IFT172: variants seen among roughly 807,000 people sequenced by gnomAD.
IFT172 encodes intraflagellar transport protein 172 homolog.
A neutral mutation model predicts 248.9 loss-of-function variants in IFT172; 164 were observed. The observed-to-expected ratio is 0.66, with a 90% CI of 0.58 to 0.75. The LOEUF (loss-of-function observed/expected upper bound fraction) is 0.75, where lower values mean the gene tolerates loss of function less well. IFT172 is among the 30% of genes least tolerant of loss of function. IFT172 has a pLI of 0.00. For synonymous variants in IFT172, 729 were observed against 791.6 expected (o/e 0.92, Z 1.33); for missense variants, 1,950 against 2,192.4 (o/e 0.89, Z 2.21).
At chr2:27,466,856 A>G (rs939300442) in intron 16 of IFT172, among the ~76,000 whole-genome samples, 6 of 149,718 alleles carry the variant, frequency 4.0e-5, no homozygotes, top group Admixed American at 3.3e-4. Flanking sequence ...TACTGAAAGA[A>G]AAAAAAAAAA....
rs1438908460 is a variant in IFT172, at chr2:27,454,785, T to C, written c.3372-125A>G. 6 of 797,486 alleles carry C rather than the reference T, an allele frequency of 7.5e-6. No homozygotes were observed. The highest frequency in any genetic ancestry group is 5.2e-5 in the African/African-American group (3 of 57,592). The allele number at this position is 797,486 out of a possible 1,614,324, so 49.4% of individuals were successfully genotyped here. The stretch of plus-strand genomic sequence containing the variant: ...GTGACAGATTTAAGGATAACAAATA[T>C]GAAGTGACAGAAAAGCGTGGAGAGA... On this transcript the variant is annotated intron_variant, in intron 30 of 47. Coordinates refer to ENST00000260570, the MANE Select transcript of IFT172 (RefSeq NM_015662.3). The surrounding 1 kb of genome is among the most constrained non-coding windows in gnomAD (Gnocchi z 4.2).
chr2:27,485,079 T>G lies in IFT172; in HGVS notation c.235A>C (p.Thr79Pro). ...TCAGTCTGTCCTATGGCAATTTTAG[T>G]GGAATCAGGAGAAAAAGCCATGCCC... ...VKGMAFSPDS[T>P]KIAIGQTDNI... The change falls in exon 3 of 48, where the codon ACT becomes CCT. Residue 79 changes from threonine to proline, a missense_variant. This residue lies in a region of IFT172 where 1,166 missense variants were observed against 1,254.1 expected (regional missense o/e 0.93). Transcript: ENST00000260570. 1.2e-6 allele frequency: 2 copies of G among 1,610,452 alleles called. No individual in the cohort carries two copies. Among genetic ancestry groups the G allele is most frequent in the Non-Finnish European group, 1.7e-6 (2 of 1,177,796 alleles).
chr2:27,476,937 C>T, intron 13 of IFT172: 2 of 588,766 alleles, frequency 3.4e-6, no homozygotes, highest in Admixed American at 6.4e-5. Flanking sequence ...GATTCTCCTA[C>T]CTCACCTTCC....
chr2:27,476,348 G>A (rs1172661850), intron 14 of IFT172, among the ~76,000 whole-genome samples: 1 of 152,146 alleles, frequency 6.6e-6, no homozygotes, highest in Non-Finnish European at 1.5e-5. Flanking sequence ...ATAGCTCACT[G>A]CAGCCTTGGA....
rs1467186428 is a variant in IFT172, at chr2:27,477,384, G to A, written c.1222-64C>T. 2.9e-6 allele frequency: 4 copies of A among 1,395,656 alleles called. No homozygotes were observed. In the African/African-American group the frequency reaches 5.7e-5, roughly 20 times the overall value. 86.5% of individuals were successfully genotyped at this position (1,395,656 alleles called of 1,614,324 possible). On this transcript the variant is annotated intron_variant, in intron 12 of 47. Transcript: ENST00000260570. Reference sequence around the variant, plus strand: ...ATGAAGAAAAACAGTAGTGGGAGGTGTACTGTCAGTTCAAGGTGACTACCA... The same window carrying A: ...ATGAAGAAAAACAGTAGTGGGAGGTATACTGTCAGTTCAAGGTGACTACCA...
chr2:27,479,429 G>C (rs1251477433), intron 10 of IFT172, 80 bp downstream of exon 10: 2 of 824,918 alleles, frequency 2.4e-6, no homozygotes, highest in Non-Finnish European at 4.3e-6. Flanking sequence ...AACTATGGCT[G>C]TGGCCAGAAG....
At chr2:27,452,782 G>A (rs924974496) in intron 35 of IFT172, among the ~76,000 whole-genome samples, 1 of 152,224 alleles carries the variant, frequency 6.6e-6, no homozygotes, top group Non-Finnish European at 1.5e-5. Flanking sequence ...ATAGGCGTGA[G>A]CCACCATGCC....
At position 27,463,192 on chromosome 2, in the gene IFT172, G is replaced by A; in HGVS notation, c.1938-11C>T. On this transcript the variant is annotated splice_polypyrimidine_tract_variant and intron_variant, in intron 18 of 47. Coordinates refer to ENST00000260570, the MANE Select transcript of IFT172 (RefSeq NM_015662.3). ...AAAGCAGAAAAGCACCTATGGCATG[G>A]AAGCAATAACATTAATAGTAATATT... 1 of 1,611,596 alleles carries A rather than the reference G, an allele frequency of 6.2e-7. No individual in the cohort carries two copies. The highest frequency in any genetic ancestry group is 1.1e-5 in the South Asian group (1 of 91,004).
intron 14 of IFT172, among the ~76,000 whole-genome samples, chr2:27,474,046 G>A (rs1221266882): frequency 6.6e-6 from 1 of 152,138 alleles, no homozygotes. Flanking sequence ...GACCTCAGGT[G>A]ATCCGCCCGC....
At position 27,453,524 on chromosome 2, in the gene IFT172, G is replaced by A. The variant is rs1405653340; in HGVS notation, c.3822-11C>T. 1.2e-6 allele frequency: 2 copies of A among 1,613,390 alleles called. No individual in the cohort carries two copies. Among genetic ancestry groups the A allele is most frequent in the African/African-American group, 1.3e-5 (1 of 74,906 alleles). The stretch of plus-strand genomic sequence containing the variant: ...AATCCCTCCACACCCCTGTGGAGAT[G>A]AGAGCGCTGGGACTTGGCATGGTAG... On this transcript the variant is annotated splice_polypyrimidine_tract_variant and intron_variant, in intron 34 of 47. Coordinates refer to ENST00000260570, the MANE Select transcript of IFT172 (RefSeq NM_015662.3).
In IFT172 at chr2:27,454,073, G is replaced by A. The variant is rs746530471; in HGVS notation, c.3620C>T (p.Ala1207Val). The change falls in exon 33 of 48, where the codon GCC becomes GTC. Residue 1207 changes from alanine to valine, a missense_variant. By Grantham distance (64) the Ala-to-Val change is moderately conservative (BLOSUM62 0). Coordinates refer to ENST00000260570, the MANE Select transcript of IFT172 (RefSeq NM_015662.3). This position sits in a 1 kb window ranked among gnomAD's most constrained non-coding sequence, Gnocchi z 4.2. The part of the protein sequence containing the change: ...DSVAEVLVGQ[A>V]RGALEEKDFQ... The stretch of plus-strand genomic sequence containing the variant: ...GTCCTTCTCCTCCAAGGCCCCCCGG[G>A]CCTGTCCCACAAGCACCTCGGCGAC... 1.2e-6 allele frequency: 2 copies of A among 1,614,108 alleles called. No homozygotes were observed. Among genetic ancestry groups the A allele is most frequent in the Non-Finnish European group, 1.7e-6 (2 of 1,180,028 alleles).
At chr2:27,472,461 T>A (rs1667644652) in intron 14 of IFT172, 99 bp from the exon 15 acceptor site, 1 of 885,644 alleles carries the variant, frequency 1.1e-6, no homozygotes, top group African/African-American at 1.7e-5. Context: ...GGAAGCTAGG[T>A]CTCTTTTAGA....
rs1357839545 is a variant in IFT172, at chr2:27,459,783, TA to T, written c.2567del (p.Leu856GlnfsTer48). 5 of 1,612,938 alleles carry T rather than the reference TA, an allele frequency of 3.1e-6. No homozygotes were observed. In the East Asian group the frequency reaches 8.9e-5, roughly 29 times the overall value. On this transcript the variant is annotated frameshift_variant, in exon 24 of 48. Transcript: ENST00000260570. LOFTEE classifies it high-confidence loss of function. ...CCAGGTGGTCCCCCCATGCCTCCTC[TA>T]GTTTCACCACCTCCACTGGGAAGGC... ...RLAFPVEVVKLEEAWGDHLVQ... is the reference protein window; with the variant it reads ...RLAFPVEVVKXEEAWGDHLVQ...
intron 29 of IFT172, among the ~76,000 whole-genome samples, chr2:27,457,018 C>T (rs1469249006): frequency 6.6e-6 from 1 of 152,106 alleles, no homozygotes; most frequent in African/African-American, 2.4e-5. Context: ...GCACTTCAGC[C>T]TGGGTGACAG....
Position 27,449,669 on chromosome 2 carries a change from TAAG to T in IFT172, c.4160+19_4160+21del, listed in dbSNP as rs760484345. ...AAGGAAGTAAAAGAGAATTTCGCAGTAAGAAGGGGTTACAAGCTTACCTGGGAT... is the reference window on the plus strand; with the variant it reads ...AAGGAAGTAAAAGAGAATTTCGCAGTAAGGGGTTACAAGCTTACCTGGGAT... On this transcript the variant is annotated intron_variant, in intron 37 of 47. Transcript: ENST00000260570. 1.1e-5 allele frequency: 18 copies of T among 1,608,500 alleles called. No individual in the cohort carries two copies. The highest frequency in any genetic ancestry group is 1.5e-5 in the Non-Finnish European group (18 of 1,175,646).
intron 37 of IFT172, 54 bp from the exon 38 acceptor site, chr2:27,449,616 C>G: frequency 6.2e-7 from 1 of 1,612,630 alleles, no homozygotes; most frequent in Admixed American, 1.7e-5. Flanking sequence ...CCAACCCTCC[C>G]GGTAAGACTT....
chr2:27,472,094 A>C, intron 15 of IFT172, 156 bp downstream of exon 15: 1 of 644,346 alleles, frequency 1.6e-6, no homozygotes, highest in Non-Finnish European at 2.8e-6. Flanking sequence ...TTTTGGTATC[A>C]GCTACAGAGA....
At chr2:27,459,684 C>A in intron 24 of IFT172, 25 bp downstream of exon 24, 2 of 1,610,952 alleles carry the variant, frequency 1.2e-6, no homozygotes, top group Non-Finnish European at 1.7e-6. Flanking sequence ...ACCTAAATCT[C>A]CTTTACATTC....
At chr2:27,463,529 CT>C (rs35768559) in intron 18 of IFT172, among the ~76,000 whole-genome samples, 55,209 of 129,600 alleles carry the variant, frequency 0.43, 11,732 homozygotes, top group African/African-American at 0.55. Context: ...ATTCTTTTCT[CT>C]TTTTTTTTTT....
Sources: allele counts gnomAD v4.1 joint callset (sites outside exome capture counted in the v4.1 genomes callset), GRCh38; gene constraint gnomAD v4.1.1; regional missense constraint gnomAD v4.1.1; non-coding constraint Gnocchi (gnomAD v3.1); transcripts MANE v1.5; gene names NCBI Gene and HGNC (gene_info 2026-07-23, HGNC 2026-07-21).